MTMR8: variants seen among roughly 807,000 people sequenced by gnomAD.
The protein encoded by MTMR8 is myotubularin related protein 8.
In MTMR8, 65 loss-of-function variants were observed where a neutral mutation model predicts 39.3. The ratio of observed to expected loss-of-function variants is 1.65; its 90% confidence interval spans 1.35 to 2.03. The LOEUF is 2.03. Among genes scored for constraint, MTMR8 ranks in the 30% most tolerant of loss-of-function variants. MTMR8 has a pLI of 0.00. For missense variants in MTMR8, 777 were observed against 538.9 expected, an observed-to-expected ratio of 1.44 and a Z score of -4.37; for synonymous variants, 245 against 185.2, an observed-to-expected ratio of 1.32 and a Z score of -2.62.
intron 12 of MTMR8, among the ~76,000 whole-genome samples, chrX:64,292,868 CATA>C (rs1468383317): frequency 9.0e-6 from 1 of 111,361 alleles, no homozygotes; most frequent in Non-Finnish European, 1.9e-5. Flanking sequence ...AAGTATCCCG[CATA>C]ATAAGCATGG....
chrX:64,274,030 C>T (rs772284081), intron 12 of MTMR8, among the ~76,000 whole-genome samples: 1 of 111,548 alleles, frequency 9.0e-6, no homozygotes, highest in African/African-American at 3.2e-5. Context: ...ACTCTACTTT[C>T]AATTATGGAT....
At chrX:64,296,463 G>C (rs751781017) in intron 12 of MTMR8, among the ~76,000 whole-genome samples, 8 of 110,246 alleles carry the variant, frequency 7.3e-5, no homozygotes, top group Non-Finnish European at 1.5e-4. Flanking sequence ...TAAATTTTAT[G>C]TTATGTATAT....
chrX:64,336,495 TA>T (rs757634283), intron 9 of MTMR8, among the ~76,000 whole-genome samples: 8,851 of 96,692 alleles, frequency 0.092, 991 homozygotes, highest in African/African-American at 0.3. Flanking sequence ...TTTTAACCAT[TA>T]AAAAAAAAAA....
chrX:64,376,702 T>G lies in MTMR8; in HGVS notation c.25-17175A>C, dbSNP rs186722805. ...GAAAACTTGCAGCCTGGTCATGTGG[T>G]AGAAGAGAAAACCCATTTTCAGGGG... is the stretch of plus-strand genomic sequence containing the variant. On this transcript the variant is annotated intron_variant, in intron 1 of 13. Coordinates refer to ENST00000374852, the MANE Select transcript of MTMR8 (RefSeq NM_017677.4). Among the ~76,000 whole-genome samples, 718 of 112,517 alleles carry G rather than the reference T, an allele frequency of 6.4e-3. 28 individuals carry two copies. The highest frequency in any genetic ancestry group is 0.062 in the Admixed American group (660 of 10,677).
intron 8 of MTMR8, among the ~76,000 whole-genome samples, chrX:64,341,999 G>A (rs1429545932): frequency 8.9e-6 from 1 of 112,118 alleles, no homozygotes; most frequent in African/African-American, 3.2e-5. Context: ...AACAGCAAGA[G>A]GTCCACTACA....
rs1337482619 is a variant in MTMR8 at position 64,326,395 on chromosome X, A to C, written c.1481+2377T>G. ...ACAAAAATCAGCAGTATTTTTATAC[A>C]TCAATAGTAAACTATCTGAAAAAGA... On this transcript the variant is annotated intron_variant, in intron 12 of 13. Transcript: ENST00000374852. Among the ~76,000 whole-genome samples the C allele has an allele frequency of 5.4e-5, 6 of 112,099 alleles. No homozygotes were observed. The Admixed American group carries it at 5.7e-4, about 11-fold the overall frequency.
At chrX:64,307,676 A>T (rs1277600280) in intron 12 of MTMR8, among the ~76,000 whole-genome samples, 1 of 111,238 alleles carries the variant, frequency 9.0e-6, no homozygotes, top group East Asian at 2.8e-4. Context: ...TAGCTATTCT[A>T]CCTCCGCTGA....
chrX:64,366,134 T>C (rs1923947081), intron 1 of MTMR8, among the ~76,000 whole-genome samples: 1 of 111,492 alleles, frequency 9.0e-6, no homozygotes, highest in East Asian at 2.8e-4. Context: ...CAAAGACACT[T>C]AGACTCGCAC....
intron 10 of MTMR8, among the ~76,000 whole-genome samples, chrX:64,333,895 T>C (rs1007450934): frequency 8.9e-6 from 1 of 111,923 alleles, no homozygotes; most frequent in Non-Finnish European, 1.9e-5. Flanking sequence ...CTTATGTTTC[T>C]TCTTTCCTAT....
intron 13 of MTMR8, among the ~76,000 whole-genome samples, chrX:64,269,942 T>G (rs1227457057): frequency 2.7e-5 from 3 of 111,347 alleles, no homozygotes; most frequent in Non-Finnish European, 5.7e-5. Context: ...ATATGTGAAA[T>G]GAATCTGATT....
intron 12 of MTMR8, among the ~76,000 whole-genome samples, chrX:64,292,879 T>C (rs903623391): frequency 3.6e-5 from 4 of 111,508 alleles, no homozygotes; most frequent in African/African-American, 9.8e-5. Flanking sequence ...ATAATAAGCA[T>C]GGAAGGTAGG....
intron 12 of MTMR8, among the ~76,000 whole-genome samples, chrX:64,285,880 T>C (rs747468619): frequency 4.2e-3 from 457 of 110,001 alleles, no homozygotes; most frequent in Non-Finnish European, 6.2e-3. Flanking sequence ...GCAGGAAAGA[T>C]CTAAAATTGA....
intron 12 of MTMR8, among the ~76,000 whole-genome samples, chrX:64,284,543 T>G (rs1408791371): frequency 9.0e-6 from 1 of 110,970 alleles, no homozygotes; most frequent in Non-Finnish European, 1.9e-5. Context: ...AAAGTTGAAA[T>G]GAAGGAAAAA....
intron 12 of MTMR8, among the ~76,000 whole-genome samples, chrX:64,314,731 A>T (rs1312270885): frequency 2.7e-5 from 3 of 112,569 alleles, no homozygotes; most frequent in Non-Finnish European, 5.6e-5. Context: ...TGTGCGGTCA[A>T]GGCAATGTGG....
intron 12 of MTMR8, among the ~76,000 whole-genome samples, chrX:64,283,610 C>G (rs1255423595): frequency 8.9e-6 from 1 of 111,987 alleles, no homozygotes; most frequent in Non-Finnish European, 1.9e-5. Flanking sequence ...CAGCTGGGTA[C>G]CCCTCTGAGA....
At chrX:64,355,022 T>A in intron 3 of MTMR8, 88 bp from the exon 4 acceptor site, 2 of 841,033 alleles carry the variant, frequency 2.4e-6, no homozygotes, top group Non-Finnish European at 3.2e-6. Flanking sequence ...AGATTTCCTT[T>A]TCCTAAGGGA....
intron 1 of MTMR8, among the ~76,000 whole-genome samples, chrX:64,368,874 A>C (rs753990467): frequency 1.8e-5 from 2 of 112,490 alleles, no homozygotes; most frequent in East Asian, 5.6e-4. Context: ...ACAAAGGGCT[A>C]ATATCCAGAA....
At chrX:64,275,542 T>A (rs1171381613) in intron 12 of MTMR8, among the ~76,000 whole-genome samples, 5 of 106,501 alleles carry the variant, frequency 4.7e-5, no homozygotes, top group African/African-American at 1.7e-4. Context: ...AAAAAAACAT[T>A]TAGAAAATAG....
chrX:64,354,494 A>G (rs1923570059), intron 4 of MTMR8, among the ~76,000 whole-genome samples: 1 of 111,592 alleles, frequency 9.0e-6, no homozygotes, highest in Non-Finnish European at 1.9e-5. Flanking sequence ...TAGCCTTCAC[A>G]AGGCTACTCT....
Sources: allele counts gnomAD v4.1 joint callset (sites outside exome capture counted in the v4.1 genomes callset), GRCh38; gene constraint gnomAD v4.1.1; transcripts MANE v1.5; gene names NCBI Gene and HGNC (gene_info 2026-07-23, HGNC 2026-07-21).